DOCK3: variants seen among roughly 807,000 people sequenced by gnomAD.
DOCK3 encodes the protein dedicator of cytokinesis protein 3.
In DOCK3, 60 loss-of-function variants were observed where a neutral mutation model predicts 265.6. That is an observed-to-expected ratio of 0.23 (90% CI 0.18 to 0.28). The LOEUF (loss-of-function observed/expected upper bound fraction) is 0.28. DOCK3 is among the 10% of genes least tolerant of loss of function. DOCK3 has a pLI of 1.00. For synonymous variants in DOCK3, 881 were observed against 938.0 expected, an observed-to-expected ratio of 0.94 and a Z score of 1.11; for missense variants, 1,981 against 2,594.3, an observed-to-expected ratio of 0.76 and a Z score of 5.14.
At chr3:50,845,482 T>G (rs2107310121) in intron 3 of DOCK3, among the ~76,000 whole-genome samples, 1 of 152,252 alleles carries the variant, frequency 6.6e-6, no homozygotes, top group African/African-American at 2.4e-5. Flanking sequence ...AGCAAAAAAT[T>G]GCAAGACATA....
chr3:51,289,750 C>T (rs2081625308), intron 27 of DOCK3, among the ~76,000 whole-genome samples: 1 of 151,966 alleles, frequency 6.6e-6, no homozygotes, highest in African/African-American at 2.4e-5. Context: ...AGTGAACAGG[C>T]AACCTACAGA....
intron 5 of DOCK3, among the ~76,000 whole-genome samples, chr3:50,998,562 A>G (rs757385943): frequency 2.6e-5 from 4 of 152,212 alleles, no homozygotes; most frequent in Non-Finnish European, 5.9e-5. Context: ...ACCCAAGGCC[A>G]TGCTCTGAAT....
chr3:50,812,660 A>C (rs961744815), intron 2 of DOCK3, among the ~76,000 whole-genome samples: 1 of 152,196 alleles, frequency 6.6e-6, no homozygotes, highest in Non-Finnish European at 1.5e-5. Flanking sequence ...TTTTTGTTCT[A>C]TTCAGGCTTT....
At chr3:51,084,296 C>T (rs998056265) in intron 7 of DOCK3, among the ~76,000 whole-genome samples, 3 of 152,032 alleles carry the variant, frequency 2.0e-5, no homozygotes, top group African/African-American at 7.2e-5. Flanking sequence ...TATAATCAAA[C>T]TATTAAAAAT....
chr3:51,278,942 C>T (rs1232890054), intron 26 of DOCK3, among the ~76,000 whole-genome samples: 1 of 152,026 alleles, frequency 6.6e-6, no homozygotes, highest in Non-Finnish European at 1.5e-5. Context: ...ATATATTTTG[C>T]ACACATGTAT....
intron 1 of DOCK3, among the ~76,000 whole-genome samples, chr3:50,757,769 G>T (rs146246863): frequency 2.2e-4 from 33 of 152,088 alleles, no homozygotes; most frequent in Non-Finnish European, 4.3e-4. Context: ...ACTTTTTTGA[G>T]ATAATTTTTG....
chr3:51,362,022 G>T (rs1397388237), intron 48 of DOCK3, 25 bp downstream of exon 48: 5 of 1,589,898 alleles, frequency 3.1e-6, no homozygotes, highest in Non-Finnish European at 4.3e-6. Flanking sequence ...ACGGAGAGTG[G>T]GCCAGGGCAC....
chr3:50,689,954 A>G (rs2035095883), intron 1 of DOCK3, among the ~76,000 whole-genome samples: 2 of 152,084 alleles, frequency 1.3e-5, no homozygotes, highest in Admixed American at 1.3e-4. Context: ...CTCTAGATGT[A>G]CAAAAATTTT....
chr3:51,077,816 T>G (rs1191347627), intron 7 of DOCK3, among the ~76,000 whole-genome samples: 1 of 152,184 alleles, frequency 6.6e-6, no homozygotes, highest in African/African-American at 2.4e-5. Context: ...GAAGTTCAGA[T>G]AAAACAGTTT....
Position 51,119,451 on chromosome 3 carries a change from G to A in DOCK3, c.747-27098G>A, listed in dbSNP as rs576372856. Among the ~76,000 whole-genome samples the A allele has an allele frequency of 7.2e-5, 11 of 152,228 alleles. No individual in the cohort carries two copies. The South Asian group carries it at 1.7e-3, about 23-fold the overall frequency. Reference sequence around the variant, plus strand: ...TCTGACGATTGTGTGTCTTCGGGTTGTTCTTCTCAAATAGTATCTTTGTGG... The same window carrying A: ...TCTGACGATTGTGTGTCTTCGGGTTATTCTTCTCAAATAGTATCTTTGTGG... On this transcript the variant is annotated intron_variant, in intron 9 of 52. Coordinates refer to ENST00000266037, the MANE Select transcript of DOCK3 (RefSeq NM_004947.5).
In DOCK3 at chr3:51,260,175, A is replaced by G; in HGVS notation, c.2204A>G (p.Lys735Arg). ...EAMRALEYLF[K>R]FIVQSRILYS... ...TTTCAGGCCTTGGAGTACCTTTTCAAGTTCATTGTACAGTCACGGATCCTG... is the reference window on the plus strand; with the variant it reads ...TTTCAGGCCTTGGAGTACCTTTTCAGGTTCATTGTACAGTCACGGATCCTG... The change falls in exon 23 of 53, where the codon AAG (lysine) becomes AGG (arginine). Residue 735 changes from lysine (K) to arginine (R), a missense_variant. Lys to Arg is a conservative substitution (Grantham distance 26). Around this residue, in one of 4 missense-constraint regions of DOCK3, gnomAD observed 1,357 missense variants for 1,866.8 expected, o/e 0.73. Transcript: ENST00000266037. 1 of 1,612,686 alleles carries G rather than the reference A, an allele frequency of 6.2e-7. No individual in the cohort carries two copies. The highest frequency in any genetic ancestry group is 8.5e-7 in the Non-Finnish European group (1 of 1,179,342).
chr3:50,973,090 A>T (rs1036951553), intron 5 of DOCK3, among the ~76,000 whole-genome samples: 1,839 of 15,354 alleles, frequency 0.12, no homozygotes, highest in Non-Finnish European at 0.14. Flanking sequence ...CCAACCTTTT[A>T]TTTTTGCAGA....
At chr3:51,018,390 G>C (rs2108854218) in intron 5 of DOCK3, among the ~76,000 whole-genome samples, 1 of 150,300 alleles carries the variant, frequency 6.7e-6, no homozygotes, top group African/African-American at 2.5e-5. Context: ...TTGAGTCCAG[G>C]AGTCCAAGAA....
intron 23 of DOCK3, among the ~76,000 whole-genome samples, chr3:51,263,174 G>T (rs2079955184): frequency 6.6e-6 from 1 of 152,178 alleles, no homozygotes; most frequent in African/African-American, 2.4e-5. Flanking sequence ...CAGAGAGAAA[G>T]GTCAGGTTAC....
chr3:51,077,271 T>C (rs1315449693), intron 7 of DOCK3, among the ~76,000 whole-genome samples: 1 of 152,152 alleles, frequency 6.6e-6, no homozygotes, highest in Non-Finnish European at 1.5e-5. Context: ...GCTTGGAGGA[T>C]GCTGTTTTCT....
intron 8 of DOCK3, 123 bp from the exon 9 acceptor site, chr3:51,090,107 C>CA (rs2109558878): frequency 1.8e-6 from 2 of 1,131,028 alleles, no homozygotes; most frequent in South Asian, 3.5e-5. Context: ...AAAACATCTT[C>CA]AGTTTCTCAA....
intron 12 of DOCK3, among the ~76,000 whole-genome samples, chr3:51,169,579 C>A (rs188483662): frequency 1.4e-4 from 21 of 151,952 alleles, no homozygotes; most frequent in African/African-American, 4.8e-4. Flanking sequence ...GACACCGGGG[C>A]CCACCTGAGG....
At chr3:50,989,265 C>T (rs1191351946) in intron 5 of DOCK3, among the ~76,000 whole-genome samples, 1 of 152,182 alleles carries the variant, frequency 6.6e-6, no homozygotes, top group Non-Finnish European at 1.5e-5. Context: ...GGCAAAGCTA[C>T]TACTAAGATT....
In DOCK3 at chr3:51,381,716, A is replaced by G; in HGVS notation, c.*157A>G. 4 of 1,005,264 alleles carry G rather than the reference A, an allele frequency of 4.0e-6. No individual in the cohort carries two copies. In the South Asian group the frequency reaches 7.6e-5, roughly 19 times the overall value. 62.3% of individuals were successfully genotyped at this position (1,005,264 alleles called of 1,614,324 possible). On this transcript the variant is annotated 3_prime_UTR_variant, in exon 53 of 53. Transcript: ENST00000266037. The surrounding 1 kb of genome is among the most constrained non-coding windows in gnomAD (Gnocchi z 5.6). Reference sequence around the variant, plus strand: ...GTCTCCGTTCTACTGCCGTGAACTCATGTGTTGCCATGTACAGAGGCCACA... The same window carrying G: ...GTCTCCGTTCTACTGCCGTGAACTCGTGTGTTGCCATGTACAGAGGCCACA...
Sources: allele counts gnomAD v4.1 joint callset (sites outside exome capture counted in the v4.1 genomes callset), GRCh38; gene constraint gnomAD v4.1.1; regional missense constraint gnomAD v4.1.1; non-coding constraint Gnocchi (gnomAD v3.1); transcripts MANE v1.5; gene names NCBI Gene and HGNC (gene_info 2026-07-23, HGNC 2026-07-21).